PPFIA1: variants seen among roughly 807,000 people sequenced by gnomAD.
PPFIA1 encodes the protein liprin-alpha-1.
A neutral mutation model predicts 149.9 loss-of-function variants in PPFIA1; 25 were observed. The ratio of observed to expected loss-of-function variants is 0.17; its 90% confidence interval spans 0.12 to 0.23. PPFIA1 has a LOEUF of 0.23. Ranked by LOEUF, PPFIA1 falls within the 10% of genes least tolerant of loss-of-function variation. The pLI, the probability that PPFIA1 is intolerant of heterozygous loss-of-function variation, is 1.00. For synonymous variants in PPFIA1, 549 were observed against 552.8 expected (o/e 0.99, Z 0.10); for missense variants, 1,362 against 1,506.5 (o/e 0.90, Z 1.59).
intron 10 of PPFIA1, chr11:70,334,233 G>A (rs2054837167): frequency 6.6e-6 from 1 of 152,298 alleles, no homozygotes; most frequent in South Asian, 2.1e-4. Context: ...GTTTGGGGTA[G>A]ATTTCTCTTT....
In PPFIA1 at chr11:70,355,655, G is replaced by C. The variant is rs1365301857; in HGVS notation, c.2332G>C (p.Asp778His). Residue 778 changes from aspartate (D) to histidine (H), a missense_variant, in exon 18 of 28, where the codon GAT becomes CAT. Asp to His is a moderately conservative substitution (Grantham distance 81). Coordinates refer to ENST00000253925, the MANE Select transcript of PPFIA1 (RefSeq NM_003626.5). ...TCCTCGAAGCTCCACAGGCTCCCAGGATGGTCCCGTGAGCAACCCCAGCAG... is the reference window on the plus strand; with the variant it reads ...TCCTCGAAGCTCCACAGGCTCCCAGCATGGTCCCGTGAGCAACCCCAGCAG... Reference protein sequence around the residue: ...RDIRNSTGSQDGPVSNPSSSN... With the variant: ...RDIRNSTGSQHGPVSNPSSSN... 2.5e-6 allele frequency: 4 copies of C among 1,609,100 alleles called. No individual in the cohort carries two copies. The highest frequency in any genetic ancestry group is 1.1e-5 in the South Asian group (1 of 90,474).
At chr11:70,309,057 T>C (rs2053077451) in intron 2 of PPFIA1, among the ~76,000 whole-genome samples, 1 of 152,224 alleles carries the variant, frequency 6.6e-6, no homozygotes, top group Admixed American at 6.5e-5. Context: ...TGTTTAAACA[T>C]GTTAATTAGA....
intron 14 of PPFIA1, among the ~76,000 whole-genome samples, chr11:70,341,349 G>A (rs1305890078): frequency 1.3e-5 from 2 of 151,970 alleles, no homozygotes; most frequent in African/African-American, 2.4e-5. Context: ...TCAGTGTATT[G>A]TTATGGAGTG....
At chr11:70,376,162 T>C (rs2057481683) in intron 24 of PPFIA1, among the ~76,000 whole-genome samples, 1 of 152,222 alleles carries the variant, frequency 6.6e-6, no homozygotes, top group Non-Finnish European at 1.5e-5. Flanking sequence ...CTTATTTTTG[T>C]ATTTTTAGTA....
At chr11:70,308,928 TAAAC>T (rs1005301291) in intron 2 of PPFIA1, among the ~76,000 whole-genome samples, 24 of 152,140 alleles carry the variant, frequency 1.6e-4, no homozygotes, top group Non-Finnish European at 2.6e-4. Context: ...CTCGAAGAGA[TAAAC>T]AAATGTAAGA....
intron 2 of PPFIA1, among the ~76,000 whole-genome samples, chr11:70,301,066 C>T (rs547761646): frequency 6.6e-6 from 1 of 152,194 alleles, no homozygotes; most frequent in Non-Finnish European, 1.5e-5. Flanking sequence ...TGTTCCCTCT[C>T]GCCTACATAC....
intron 16 of PPFIA1, among the ~76,000 whole-genome samples, chr11:70,351,362 T>C (rs1356459397): frequency 3.3e-5 from 5 of 152,184 alleles, no homozygotes; most frequent in Admixed American, 6.5e-5. Context: ...GGGGGACCCA[T>C]TTTCATAATA....
At chr11:70,304,588 TG>T (rs1204362040) in intron 2 of PPFIA1, among the ~76,000 whole-genome samples, 1 of 152,194 alleles carries the variant, frequency 6.6e-6, no homozygotes, top group Non-Finnish European at 1.5e-5. Context: ...GATTCATAGC[TG>T]GTTGGTCAGA....
intron 2 of PPFIA1, among the ~76,000 whole-genome samples, chr11:70,275,383 C>G (rs1174294991): frequency 1.3e-5 from 2 of 152,166 alleles, no homozygotes; most frequent in Non-Finnish European, 2.9e-5. Context: ...TTGTGTTTGC[C>G]TTTTCACTCT....
Position 70,355,797 on chromosome 11 carries a change from A to T in PPFIA1, c.2474A>T (p.Glu825Val). ...GGCCGACCTGGACAAACTGGCAAAG[A>T]AGCATTAGGACAAGGTTGGTTGGTT... Reference protein sequence around the residue: ...EKGRPGQTGKEALGQAGVSET... With the variant: ...EKGRPGQTGKVALGQAGVSET... Residue 825 changes from glutamate to valine, a missense_variant, in exon 18 of 28, where the codon GAA (glutamate) becomes GTA (valine). This residue lies in a region of PPFIA1 where 91 missense variants were observed against 91.2 expected (regional missense o/e 1.00). Coordinates refer to ENST00000253925, the MANE Select transcript of PPFIA1 (RefSeq NM_003626.5). 1 of 1,611,688 alleles carries T rather than the reference A, an allele frequency of 6.2e-7. No homozygotes were observed.
intron 21 of PPFIA1, chr11:70,362,843 C>T: frequency 5.7e-6 from 1 of 175,972 alleles, no homozygotes; most frequent in Non-Finnish European, 1.2e-5. Flanking sequence ...CCAGGCTGGT[C>T]TTGCACTCCT....
intron 2 of PPFIA1, among the ~76,000 whole-genome samples, chr11:70,284,474 C>G (rs971824292): frequency 2.0e-5 from 3 of 149,606 alleles, no homozygotes; most frequent in Non-Finnish European, 4.4e-5. Context: ...TATTACCGTT[C>G]TAGGCTCCTG....
chr11:70,325,435 A>G (rs1054534719), intron 4 of PPFIA1, 65 bp from the exon 5 acceptor site: 13 of 1,053,978 alleles, frequency 1.2e-5, no homozygotes, highest in South Asian at 9.8e-5. Context: ...ACACTTAACT[A>G]TATATTAAGA....
At chr11:70,295,501 T>G (rs866728220) in intron 2 of PPFIA1, among the ~76,000 whole-genome samples, 55 of 52,858 alleles carry the variant, frequency 1.0e-3, no homozygotes, top group East Asian at 2.6e-3. Context: ...GCTGGCCGGG[T>G]GGGGGGGCTG....
chr11:70,335,587 G>A lies in PPFIA1; in HGVS notation c.1321G>A (p.Glu441Lys), dbSNP rs2054923417. The A allele has an allele frequency of 6.2e-7, 1 of 1,613,860 alleles. No homozygotes were observed. The highest frequency in any genetic ancestry group is 8.5e-7 in the Non-Finnish European group (1 of 1,179,904). Residue 441 changes from glutamate (E) to lysine (K), a missense_variant, in exon 11 of 28, where the codon GAA becomes AAA. By Grantham distance (56) the Glu-to-Lys change is moderately conservative. Transcript: ENST00000253925. Reference sequence around the variant, plus strand: ...GGCAAGGCAAAGAGAAAAAATGAACGAAGAACATAATAAACGTTTATCAGA... The same window carrying A: ...GGCAAGGCAAAGAGAAAAAATGAACAAAGAACATAATAAACGTTTATCAGA... ...QRARQREKMN[E>K]EHNKRLSDTV...
At chr11:70,382,664 G>A (rs1026518064) in intron 27 of PPFIA1, among the ~76,000 whole-genome samples, 1 of 152,184 alleles carries the variant, frequency 6.6e-6, no homozygotes. Context: ...TTAAAACTGC[G>A]GACTCTGGCT....
In PPFIA1 at chr11:70,372,461, C is replaced by T. The variant is rs769874445; in HGVS notation, c.3042-16C>T. On this transcript the variant is annotated splice_polypyrimidine_tract_variant and intron_variant, in intron 22 of 27. Coordinates refer to ENST00000253925, the MANE Select transcript of PPFIA1 (RefSeq NM_003626.5). The stretch of plus-strand genomic sequence containing the variant: ...CTGTTACCATCTCTAAATCATCTCT[C>T]TTTTCTTCCAAATAGAAACAGTTTC... 40 of 1,612,884 alleles carry T rather than the reference C, an allele frequency of 2.5e-5. No homozygotes were observed. In the Admixed American group the frequency reaches 6.7e-4, roughly 27 times the overall value.
At chr11:70,273,158 G>T (rs1270285087) in intron 2 of PPFIA1, among the ~76,000 whole-genome samples, 1 of 152,118 alleles carries the variant, frequency 6.6e-6, no homozygotes, top group East Asian at 1.9e-4. Flanking sequence ...CGCATCTGTA[G>T]TCCCAGCTAC....
chr11:70,382,889 T>C (rs200611835), intron 27 of PPFIA1, 114 bp from the exon 28 acceptor site: 208 of 328,218 alleles, frequency 6.3e-4, no homozygotes, highest in East Asian at 1.7e-3. Flanking sequence ...TGAGGGGTCC[T>C]GGAGGGGAGG....
Sources: allele counts gnomAD v4.1 joint callset (sites outside exome capture counted in the v4.1 genomes callset), GRCh38; gene constraint gnomAD v4.1.1; regional missense constraint gnomAD v4.1.1; transcripts MANE v1.5; gene names NCBI Gene and HGNC (gene_info 2026-07-23, HGNC 2026-07-21).